CPNE3: variants seen among roughly 807,000 people sequenced by gnomAD.
The protein encoded by CPNE3 is copine 3, also known as copine-3.
Under a neutral mutation model 63.9 loss-of-function variants are expected in CPNE3, and 68 were observed. The ratio of observed to expected loss-of-function variants is 1.06; its 90% CI spans 0.87 to 1.30. The LOEUF is 1.30. Ranked by LOEUF, CPNE3 falls within the 50% of genes most tolerant of loss-of-function variation. CPNE3 has a pLI of 0.00. For missense variants in CPNE3, 665 were observed against 578.1 expected, an observed-to-expected ratio of 1.15 and a Z score of -1.54; for synonymous variants, 219 against 197.5, an observed-to-expected ratio of 1.11 and a Z score of -0.91.
At chr8:86,555,991 G>T in intron 15 of CPNE3, 111 bp from the exon 16 acceptor site, 1 of 719,694 alleles carries the variant, frequency 1.4e-6, no homozygotes. Flanking sequence ...GGTAGCTAGG[G>T]TAGAGACTGG....
At chr8:86,553,491 G>T (rs1821238755) in intron 14 of CPNE3, among the ~76,000 whole-genome samples, 1 of 152,168 alleles carries the variant, frequency 6.6e-6, no homozygotes, top group Non-Finnish European at 1.5e-5. Context: ...AAAAGGTACA[G>T]TTGCTATAAT....
chr8:86,531,972 TCTC>T lies in CPNE3; in HGVS notation c.388-535_388-533del, dbSNP rs550894372. Among the ~76,000 whole-genome samples the T allele has an allele frequency of 7.2e-5, 11 of 152,282 alleles. No homozygotes were observed. The South Asian group carries it at 2.3e-3, about 32-fold the overall frequency. ...AGCAGCTGTTTTGCTGTAGTTTAAATCTCCAAAGGCATAAGAATGTTCAGGGTG... is the reference window on the plus strand; with the variant it reads ...AGCAGCTGTTTTGCTGTAGTTTAAATCAAAGGCATAAGAATGTTCAGGGTG... On this transcript the variant is annotated intron_variant, in intron 5 of 16. Transcript: ENST00000517490.
chr8:86,539,917 G>A (rs781632419), intron 7 of CPNE3, among the ~76,000 whole-genome samples: 6 of 151,852 alleles, frequency 4.0e-5, no homozygotes, highest in Non-Finnish European at 7.4e-5. Context: ...TGCCCGTCTC[G>A]GCCTCCCAAA....
intron 16 of CPNE3, 122 bp from the exon 17 acceptor site, chr8:86,558,166 G>T: frequency 1.4e-6 from 1 of 723,502 alleles, no homozygotes. Flanking sequence ...CTAAGAAAAG[G>T]TACAGGCCTA....
intron 4 of CPNE3, among the ~76,000 whole-genome samples, chr8:86,530,043 T>A (rs1586833158): frequency 1.3e-5 from 2 of 152,142 alleles, no homozygotes; most frequent in East Asian, 1.9e-4. Flanking sequence ...ATTTGATATA[T>A]CTTTCAAACA....
chr8:86,556,171 G>C lies in CPNE3; in HGVS notation c.1324G>C (p.Val442Leu). ...TDLDETRQAI[V>L]NASRLPMSII... Reference sequence around the variant, plus strand: ...CCTTGATGAAACCAGACAAGCTATAGTTAATGCCTCCAGGCTGCCTATGTC... The same window carrying C: ...CCTTGATGAAACCAGACAAGCTATACTTAATGCCTCCAGGCTGCCTATGTC... Residue 442 changes from valine (V) to leucine (L), a missense_variant, in exon 16 of 17, where the codon GTT becomes CTT. Coordinates refer to ENST00000517490, the MANE Select transcript of CPNE3 (RefSeq NM_003909.5). 1.1e-6 allele frequency: 1 copy of C among 873,040 alleles called. No individual in the cohort carries two copies. Among genetic ancestry groups the C allele is most frequent in the South Asian group, 1.3e-5 (1 of 76,540 alleles). 54.1% of individuals were successfully genotyped at this position (873,040 alleles called of 1,614,324 possible). A position where few individuals can be genotyped will look rare whatever the true frequency, so the allele number is the denominator to read the frequency against.
chr8:86,528,921 T>A, intron 3 of CPNE3, 24 bp from the exon 4 acceptor site: 1 of 1,587,564 alleles, frequency 6.3e-7, no homozygotes, highest in South Asian at 1.1e-5. Flanking sequence ...GAAGAAACTT[T>A]TTTGTTTTTG....
Position 86,527,011 on chromosome 8 carries a change from C to G in CPNE3, c.-10-1525C>G, listed in dbSNP as rs138997519. Reference sequence around the variant, plus strand: ...TTGTTTTTTGACATTACAAAGGGCTCTTCTAATGATAATCTTTGTTACTTC... The same window carrying G: ...TTGTTTTTTGACATTACAAAGGGCTGTTCTAATGATAATCTTTGTTACTTC... On this transcript the variant is annotated intron_variant, in intron 2 of 16. Coordinates refer to ENST00000517490, the MANE Select transcript of CPNE3 (RefSeq NM_003909.5). Among the ~76,000 whole-genome samples, 267 of 152,192 alleles carry G rather than the reference C, an allele frequency of 1.8e-3. 3 individuals carry two copies. Among genetic ancestry groups the G allele is most frequent in the African/African-American group, 6.2e-3 (257 of 41,528 alleles).
chr8:86,533,019 C>CTATCT (rs1820715362), intron 6 of CPNE3, among the ~76,000 whole-genome samples: 1 of 145,244 alleles, frequency 6.9e-6, no homozygotes, highest in Non-Finnish European at 1.5e-5. Context: ...ATTCTTTTAT[C>CTATCT]TATCTTATCT....
intron 6 of CPNE3, 133 bp downstream of exon 6, chr8:86,532,713 T>C: frequency 1.8e-6 from 1 of 569,384 alleles, no homozygotes. Flanking sequence ...AAATTTTGCA[T>C]GTGTGTGTGT....
chr8:86,548,664 A>G (rs1165082218), intron 12 of CPNE3, among the ~76,000 whole-genome samples: 3 of 152,224 alleles, frequency 2.0e-5, no homozygotes, highest in Middle Eastern at 3.4e-3. Flanking sequence ...ACTTTGCTTT[A>G]TATTACATAT....
intron 2 of CPNE3, among the ~76,000 whole-genome samples, chr8:86,517,545 G>GT (rs1419811950): frequency 2.6e-5 from 4 of 152,126 alleles, no homozygotes; most frequent in Non-Finnish European, 5.9e-5. Flanking sequence ...ACATTTTCAT[G>GT]TTTATGTGTC....
At position 86,551,178 on chromosome 8, in the gene CPNE3, G is replaced by C. The variant is rs1821167503; in HGVS notation, c.1069-5G>C. The stretch of plus-strand genomic sequence containing the variant: ...CCTCATCAGTCCTTTGTCCATCTTT[G>C]ACAGGTATCACATGAATTTCCAATG... On this transcript the variant is annotated splice_region_variant and splice_polypyrimidine_tract_variant and intron_variant, in intron 13 of 16. Transcript: ENST00000517490. 6.2e-7 allele frequency: 1 copy of C among 1,613,174 alleles called. No individual in the cohort carries two copies. The highest frequency in any genetic ancestry group is 1.3e-5 in the African/African-American group (1 of 74,826).
intron 2 of CPNE3, among the ~76,000 whole-genome samples, chr8:86,525,322 C>G (rs944634536): frequency 3.3e-5 from 5 of 152,138 alleles, no homozygotes; most frequent in Admixed American, 6.5e-5. Context: ...TACTATTGCT[C>G]TCTTAAAAAA....
At position 86,558,974 on chromosome 8, in the gene CPNE3, T is replaced by G. The variant is rs572918828; in HGVS notation, c.*564T>G. On this transcript the variant is annotated 3_prime_UTR_variant, in exon 17 of 17. Transcript: ENST00000517490. ...AGACACTGTGGTTTACAAAACAGCA[T>G]GCACTCAACTTGGGACTTTATGAAA... The G allele has an allele frequency of 1.3e-5, 2 of 152,494 alleles. No homozygotes were observed. Among genetic ancestry groups the G allele is most frequent in the South Asian group, 4.1e-4 (2 of 4,830 alleles). 9.4% of individuals were successfully genotyped at this position (152,494 alleles called of 1,614,324 possible).
At chr8:86,537,501 C>A in intron 6 of CPNE3, 62 bp from the exon 7 acceptor site, 3 of 992,054 alleles carry the variant, frequency 3.0e-6, no homozygotes, top group South Asian at 2.5e-5. Context: ...AAAGTATGGT[C>A]ACACATGGTT....
chr8:86,558,304 T>G lies in CPNE3; in HGVS notation c.1508T>G (p.Leu503Arg). 1 of 872,956 alleles carries G rather than the reference T, an allele frequency of 1.1e-6. No individual in the cohort carries two copies. Among genetic ancestry groups the G allele is most frequent in the Non-Finnish European group, 2.0e-6 (1 of 501,660 alleles). The allele number at this position is 872,956 out of a possible 1,614,324, so 54.1% of individuals were successfully genotyped here. A position where few individuals can be genotyped will look rare whatever the true frequency, so the allele number is the denominator to read the frequency against. The change falls in exon 17 of 17, where the codon CTT (leucine) becomes CGT (arginine). Residue 503 changes from leucine (L) to arginine (R), a missense_variant. Coordinates refer to ENST00000517490, the MANE Select transcript of CPNE3 (RefSeq NM_003909.5). ...TTTCACAAGGCTCCAAAAGAAGCACTTGCTCAGTGTGTCTTGGCAGAGATT... is the reference window on the plus strand; with the variant it reads ...TTTCACAAGGCTCCAAAAGAAGCACGTGCTCAGTGTGTCTTGGCAGAGATT... ...RQFQNAPKEA[L>R]AQCVLAEIPQ...
intron 2 of CPNE3, among the ~76,000 whole-genome samples, chr8:86,527,739 A>G (rs1258428394): frequency 6.6e-6 from 1 of 152,028 alleles, no homozygotes. Flanking sequence ...GGTAGAGTGG[A>G]GGGAAAGGGG....
In CPNE3 at chr8:86,531,244, T is replaced by C. The variant is rs756632790; in HGVS notation, c.387+15T>C. ...GGAGCATTACGGTAAAAATAAGATA[T>C]TTGTCTTTTGTCTCAAAAGATTTAG... On this transcript the variant is annotated intron_variant, in intron 5 of 16. Coordinates refer to ENST00000517490, the MANE Select transcript of CPNE3 (RefSeq NM_003909.5). 10 of 997,918 alleles carry C rather than the reference T, an allele frequency of 1.0e-5. No homozygotes were observed. In the Admixed American group the frequency reaches 1.5e-4, roughly 15 times the overall value. 61.8% of individuals were successfully genotyped at this position (997,918 alleles called of 1,614,324 possible). A position where few individuals can be genotyped will look rare whatever the true frequency, so the allele number is the denominator to read the frequency against.
Sources: gnomAD v4.1 joint callset for allele counts (sites outside exome capture counted in the v4.1 genomes callset) on GRCh38, gnomAD v4.1.1 for gene constraint, MANE v1.5 for transcripts, NCBI Gene and HGNC (gene_info 2026-07-23, HGNC 2026-07-21) for gene names.